OPCML: variants seen among roughly 807,000 people sequenced by gnomAD.
OPCML encodes opioid binding protein/cell adhesion molecule like.
A neutral mutation model predicts 37.8 loss-of-function variants in OPCML; 13 were observed. The observed-to-expected ratio is 0.34, with a 90% CI of 0.22 to 0.55. The LOEUF (loss-of-function observed/expected upper bound fraction) is 0.55, where lower values mean the gene tolerates loss of function less well. Ranked by LOEUF, OPCML falls within the 20% of genes least tolerant of loss-of-function variation. OPCML has a pLI of 0.91. For missense variants in OPCML, 341 were observed against 435.6 expected, an observed-to-expected ratio of 0.78 and a Z score of 1.93; for synonymous variants, 176 against 168.8, an observed-to-expected ratio of 1.04 and a Z score of -0.33.
chr11:132,679,417 A>C (rs1470404235), intron 2 of OPCML, among the ~76,000 whole-genome samples: 1 of 152,270 alleles, frequency 6.6e-6, no homozygotes, highest in Non-Finnish European at 1.5e-5. Flanking sequence ...CCATATATAA[A>C]GAATAAAGTA....
At chr11:133,413,354 G>A (rs987612841) in intron 1 of OPCML, among the ~76,000 whole-genome samples, 13 of 152,016 alleles carry the variant, frequency 8.6e-5, no homozygotes, top group Middle Eastern at 3.4e-3. Flanking sequence ...GGGAGGGATA[G>A]CATTGGGAGA....
intron 1 of OPCML, among the ~76,000 whole-genome samples, chr11:133,114,893 G>A (rs868105158): frequency 6.6e-6 from 1 of 152,132 alleles, no homozygotes; most frequent in Non-Finnish European, 1.5e-5. Context: ...ATGTTTTGTT[G>A]TACATTAAAA....
intron 3 of OPCML, among the ~76,000 whole-genome samples, chr11:132,609,130 C>T (rs1938482690): frequency 6.6e-6 from 1 of 151,916 alleles, no homozygotes; most frequent in African/African-American, 2.4e-5. Flanking sequence ...ATCGGCTTCT[C>T]ACCACATGCA....
chr11:133,128,871 AGCCCGG>A (rs1949560787), intron 1 of OPCML, among the ~76,000 whole-genome samples: 2 of 152,098 alleles, frequency 1.3e-5, no homozygotes, highest in African/African-American at 4.8e-5. Flanking sequence ...CCCTCTCTGT[AGCCCGG>A]GCTTCTGCTT....
intron 2 of OPCML, among the ~76,000 whole-genome samples, chr11:132,742,312 T>C (rs1945458825): frequency 6.6e-6 from 1 of 152,224 alleles, no homozygotes; most frequent in Non-Finnish European, 1.5e-5. Flanking sequence ...GTGGGGCTTT[T>C]GAGAAGTGAT....
At chr11:132,908,234 G>C (rs1228324745) in intron 2 of OPCML, among the ~76,000 whole-genome samples, 13 of 151,476 alleles carry the variant, frequency 8.6e-5, no homozygotes, top group Non-Finnish European at 1.9e-4. Flanking sequence ...GTTACAGAAA[G>C]AAAAGTGAAA....
chr11:133,141,389 C>G (rs1007266631), intron 1 of OPCML, among the ~76,000 whole-genome samples: 1 of 152,226 alleles, frequency 6.6e-6, no homozygotes, highest in South Asian at 2.1e-4. Context: ...CTGGTTTCAA[C>G]AAGTCTTCAA....
At chr11:132,571,836 G>A (rs1213724714) in intron 3 of OPCML, among the ~76,000 whole-genome samples, 2 of 152,016 alleles carry the variant, frequency 1.3e-5, no homozygotes, top group Non-Finnish European at 2.9e-5. Context: ...TATTTTTTGA[G>A]GAACCTCTAT....
intron 2 of OPCML, among the ~76,000 whole-genome samples, chr11:132,847,686 G>A (rs977056873): frequency 6.6e-6 from 1 of 152,170 alleles, no homozygotes; most frequent in African/African-American, 2.4e-5. Flanking sequence ...TTTTGGTCAG[G>A]TATCTGAGCC....
chr11:132,539,822 C>T (rs1242391357), intron 3 of OPCML, among the ~76,000 whole-genome samples: 5 of 151,192 alleles, frequency 3.3e-5, no homozygotes, highest in Admixed American at 6.6e-5. Flanking sequence ...TAGATGCTGA[C>T]GGTGATGATG....
intron 1 of OPCML, among the ~76,000 whole-genome samples, chr11:133,328,277 C>T (rs1943528242): frequency 6.6e-6 from 1 of 151,832 alleles, no homozygotes; most frequent in Admixed American, 6.6e-5. Flanking sequence ...CCTGCCTCAG[C>T]CTCCCAAGTA....
chr11:132,821,525 C>T (rs1798833792), intron 2 of OPCML, among the ~76,000 whole-genome samples: 1 of 152,224 alleles, frequency 6.6e-6, no homozygotes, highest in Admixed American at 6.5e-5. Context: ...CCTGGAAAGA[C>T]TGGAAAATTA....
intron 1 of OPCML, among the ~76,000 whole-genome samples, chr11:133,500,906 C>T (rs1034475346): frequency 1.3e-5 from 2 of 152,010 alleles, no homozygotes; most frequent in African/African-American, 4.8e-5. Flanking sequence ...GGAGAGATGA[C>T]TCCTTGCAAT....
At chr11:132,538,575 TA>T (rs2096346999) in intron 3 of OPCML, among the ~76,000 whole-genome samples, 1 of 152,204 alleles carries the variant, frequency 6.6e-6, no homozygotes, top group Admixed American at 6.5e-5. Flanking sequence ...TGTATCTGCA[TA>T]AAACGTTTAT....
intron 1 of OPCML, among the ~76,000 whole-genome samples, chr11:133,512,192 A>C (rs780435990): frequency 1.3e-5 from 2 of 152,200 alleles, no homozygotes; most frequent in Non-Finnish European, 2.9e-5. Flanking sequence ...ACCAGCAACA[A>C]ATCAGGATTT....
intron 1 of OPCML, among the ~76,000 whole-genome samples, chr11:133,401,773 C>T (rs1023889671): frequency 2.0e-5 from 3 of 152,286 alleles, no homozygotes; most frequent in African/African-American, 7.2e-5. Context: ...TAACTTCCTA[C>T]TAAAAATAAC....
chr11:133,510,487 T>C (rs973428187), intron 1 of OPCML, among the ~76,000 whole-genome samples: 1 of 152,350 alleles, frequency 6.6e-6, no homozygotes, highest in South Asian at 2.1e-4. Context: ...AAATCGTTTG[T>C]GGGCATAGAA....
At chr11:133,503,168 T>C (rs1947953806) in intron 1 of OPCML, among the ~76,000 whole-genome samples, 1 of 152,212 alleles carries the variant, frequency 6.6e-6, no homozygotes, top group Admixed American at 6.5e-5. Context: ...AAAAATGTGC[T>C]GGCCTAGAAG....
intron 3 of OPCML, among the ~76,000 whole-genome samples, chr11:132,656,180 G>T (rs977800675): frequency 1.3e-5 from 2 of 152,100 alleles, no homozygotes; most frequent in South Asian, 2.1e-4. Flanking sequence ...GCCAACACCT[G>T]ACAGAAATGG....
Sources: gnomAD v4.1 joint callset for allele counts (sites outside exome capture counted in the v4.1 genomes callset) on GRCh38, gnomAD v4.1.1 for gene constraint, MANE v1.5 for transcripts, NCBI Gene and HGNC (gene_info 2026-07-23, HGNC 2026-07-21) for gene names.